The following ARHGAP28 variants were observed in gnomAD, a reference collection of about 807,000 sequenced individuals.
ARHGAP28 encodes Rho GTPase activating protein 28, also known as rho GTPase-activating protein 28.
ARHGAP28 carries 56 observed loss-of-function variants against 90.7 expected under a neutral mutation model. The ratio of observed to expected loss-of-function variants is 0.62; its 90% CI spans 0.50 to 0.77. ARHGAP28 has a LOEUF of 0.77. Ranked by LOEUF, ARHGAP28 falls within the 30% of genes least tolerant of loss-of-function variation. The probability of loss-of-function intolerance (pLI) is 0.00; values close to 1 mark genes in which losing one functional copy is unlikely to be tolerated. For missense variants in ARHGAP28, 869 were observed against 900.9 expected (o/e 0.96, Z 0.45); for synonymous variants, 308 against 323.3 (o/e 0.95, Z 0.51).
intron 15 of ARHGAP28, among the ~76,000 whole-genome samples, chr18:6,895,251 A>T (rs1238410210): frequency 4.6e-5 from 7 of 152,150 alleles, no homozygotes; most frequent in Non-Finnish European, 1.0e-4. Flanking sequence ...CTTGGCTGCA[A>T]TGAGCCTGGG....
At chr18:6,853,941 T>C (rs534520578) in intron 4 of ARHGAP28, among the ~76,000 whole-genome samples, 1 of 152,344 alleles carries the variant, frequency 6.6e-6, no homozygotes, top group Non-Finnish European at 1.5e-5. Context: ...GCACATGTTG[T>C]CAGGACACCC....
chr18:6,803,648 A>G (rs1230311403), intron 1 of ARHGAP28, among the ~76,000 whole-genome samples: 1 of 152,092 alleles, frequency 6.6e-6, no homozygotes, highest in African/African-American at 2.4e-5. Context: ...GTTTTTGGAG[A>G]ACTTCTTTTT....
At chr18:6,816,409 G>A (rs562036892) in intron 1 of ARHGAP28, among the ~76,000 whole-genome samples, 56 of 152,308 alleles carry the variant, frequency 3.7e-4, no homozygotes, top group African/African-American at 1.3e-3. Flanking sequence ...GACAGCTGTG[G>A]AACTGGACTG....
chr18:6,730,030 C>G, intron 1 of ARHGAP28, 87 bp downstream of exon 1: 1 of 1,215,768 alleles, frequency 8.2e-7, no homozygotes, highest in Non-Finnish European at 1.0e-6. Context: ...CCTGAGCGCA[C>G]GACCGCCGTC....
intron 3 of ARHGAP28, among the ~76,000 whole-genome samples, chr18:6,842,177 T>C (rs2056832474): frequency 6.6e-6 from 1 of 152,092 alleles, no homozygotes; most frequent in African/African-American, 2.4e-5. Flanking sequence ...AGCGAGACCA[T>C]GTCTCTACAA....
At chr18:6,826,702 T>TTTTTTTTTTTTTTTTTTTG (rs1567960478) in intron 2 of ARHGAP28, among the ~76,000 whole-genome samples, 1 of 149,344 alleles carries the variant, frequency 6.7e-6, no homozygotes, top group African/African-American at 2.5e-5. Flanking sequence ...TTTTTTTTTT[T>TTTTTTTTTTTTTTTTTTTG]TTTTATTGAT....
intron 2 of ARHGAP28, among the ~76,000 whole-genome samples, chr18:6,836,768 C>T (rs909476144): frequency 6.6e-6 from 1 of 152,148 alleles, no homozygotes; most frequent in Admixed American, 6.5e-5. Flanking sequence ...CTCGAGATAT[C>T]GTTAAGACTT....
At chr18:6,800,071 A>C (rs1269498156) in intron 1 of ARHGAP28, among the ~76,000 whole-genome samples, 2 of 152,242 alleles carry the variant, frequency 1.3e-5, no homozygotes, top group African/African-American at 4.8e-5. Flanking sequence ...GACACTTCCC[A>C]AAAGAAGACA....
chr18:6,902,072 T>C (rs2057341287), intron 16 of ARHGAP28, among the ~76,000 whole-genome samples: 2 of 152,144 alleles, frequency 1.3e-5, no homozygotes, highest in African/African-American at 4.8e-5. Context: ...CATCTGCAAA[T>C]ACCCTATTTC....
At chr18:6,825,307 T>C (rs929944492) in intron 2 of ARHGAP28, among the ~76,000 whole-genome samples, 5 of 152,210 alleles carry the variant, frequency 3.3e-5, no homozygotes, top group African/African-American at 1.2e-4. Flanking sequence ...TACATTTGTC[T>C]ACTCATTTGT....
At chr18:6,886,377 G>T (rs1330521566) in intron 11 of ARHGAP28, among the ~76,000 whole-genome samples, 6 of 152,086 alleles carry the variant, frequency 3.9e-5, no homozygotes, top group Non-Finnish European at 8.8e-5. Flanking sequence ...GCTGGTCGTG[G>T]ATTATCCAGC....
At chr18:6,746,987 GATGA>G (rs1372475435) in intron 1 of ARHGAP28, among the ~76,000 whole-genome samples, 1 of 151,630 alleles carries the variant, frequency 6.6e-6, no homozygotes, top group African/African-American at 2.4e-5. Context: ...ATATATGTAT[GATGA>G]ATGAATAATA....
chr18:6,863,679 T>C (rs1250103698), intron 5 of ARHGAP28, among the ~76,000 whole-genome samples: 3 of 151,700 alleles, frequency 2.0e-5, no homozygotes, highest in African/African-American at 7.2e-5. Context: ...ACATATAATA[T>C]ATAAATCTAC....
At chr18:6,893,000 G>T (rs542708543) in intron 14 of ARHGAP28, among the ~76,000 whole-genome samples, 2 of 152,308 alleles carry the variant, frequency 1.3e-5, no homozygotes, top group East Asian at 3.9e-4. Flanking sequence ...AATATGTTAA[G>T]GCTTTTTACA....
At chr18:6,793,180 CA>C (rs2056418310) in intron 1 of ARHGAP28, among the ~76,000 whole-genome samples, 2 of 152,152 alleles carry the variant, frequency 1.3e-5, no homozygotes, top group African/African-American at 2.4e-5. Context: ...ACTTACGAGA[CA>C]CAATAAATAT....
Position 6,914,725 on chromosome 18 carries a change from T to C in ARHGAP28, c.*2571T>C, listed in dbSNP as rs931504696. 18 of 152,212 alleles carry C rather than the reference T, an allele frequency of 1.2e-4. 1 individual carries two copies. Among genetic ancestry groups the C allele is most frequent in the Admixed American group, 1.1e-3 (17 of 15,272 alleles). The allele number at this position is 152,212 out of a possible 1,614,324, so 9.4% of individuals were successfully genotyped here. On this transcript the variant is annotated 3_prime_UTR_variant, in exon 18 of 18. Transcript: ENST00000383472. ...CCCCCTCACCCATTCCTAGTGCTCT[T>C]GGTATACACTTGGGAAAATAATGTC...
chr18:6,776,654 TGAG>T (rs760095364), intron 1 of ARHGAP28, among the ~76,000 whole-genome samples: 43 of 152,118 alleles, frequency 2.8e-4, no homozygotes, highest in Non-Finnish European at 2.2e-4. Context: ...GTACACCTGA[TGAG>T]GAGGAGGATT....
chr18:6,870,893 C>T (rs893898278), intron 7 of ARHGAP28, among the ~76,000 whole-genome samples, 161 bp downstream of exon 7: 22 of 152,044 alleles, frequency 1.4e-4, no homozygotes, highest in South Asian at 2.1e-4. Context: ...CTCTGCCTCC[C>T]GGGTTCACGC....
At chr18:6,735,555 G>GTTT (rs35656127) in intron 1 of ARHGAP28, among the ~76,000 whole-genome samples, 2 of 135,852 alleles carry the variant, frequency 1.5e-5, no homozygotes, top group African/African-American at 2.7e-5. Context: ...AGGTTATGCT[G>GTTT]TTTTTTTTTT....
Sources: gnomAD v4.1 joint callset for allele counts (sites outside exome capture counted in the v4.1 genomes callset) on GRCh38, gnomAD v4.1.1 for gene constraint, MANE v1.5 for transcripts, NCBI Gene and HGNC (gene_info 2026-07-23, HGNC 2026-07-21) for gene names.